Variants in BFSP2 observed in about 807,000 individuals in gnomAD.
BFSP2 encodes the protein phakinin.
Under a neutral mutation model 44.9 loss-of-function variants are expected in BFSP2, and 38 were observed. The observed-to-expected ratio is 0.85, with a 90% CI of 0.65 to 1.11. The LOEUF (loss-of-function observed/expected upper bound fraction) is 1.11, where lower values mean the gene tolerates loss of function less well. Ranked by LOEUF, BFSP2 falls within the 50% of genes least tolerant of loss-of-function variation. The pLI is 0.00. For synonymous variants in BFSP2, 197 were observed against 209.9 expected, an observed-to-expected ratio of 0.94 and a Z score of 0.53; for missense variants, 525 against 533.0, an observed-to-expected ratio of 0.99 and a Z score of 0.15.
chr3:133,424,543 T>C (rs999250571), intron 1 of BFSP2, among the ~76,000 whole-genome samples: 1 of 152,188 alleles, frequency 6.6e-6, no homozygotes, highest in Non-Finnish European at 1.5e-5. Flanking sequence ...CACCTCCAGC[T>C]GCTTTATCTG....
At chr3:133,415,447 TCTA>T (rs2073513358) in intron 1 of BFSP2, among the ~76,000 whole-genome samples, 1 of 110,008 alleles carries the variant, frequency 9.1e-6, no homozygotes, top group Non-Finnish European at 1.8e-5. Flanking sequence ...TCCTCTCCTC[TCTA>T]CTCACTCCTG....
At chr3:133,468,565 C>T (rs2074133107) in intron 5 of BFSP2, among the ~76,000 whole-genome samples, 1 of 152,190 alleles carries the variant, frequency 6.6e-6, no homozygotes, top group African/African-American at 2.4e-5. Flanking sequence ...CTCCCTGTGA[C>T]CACTCCGTGT....
At chr3:133,421,484 T>C (rs368837863) in intron 1 of BFSP2, among the ~76,000 whole-genome samples, 1 of 152,234 alleles carries the variant, frequency 6.6e-6, no homozygotes, top group African/African-American at 2.4e-5. Context: ...TTCTTCCATA[T>C]GTCTGTGTCC....
At chr3:133,415,869 C>T (rs140824794) in intron 1 of BFSP2, among the ~76,000 whole-genome samples, 1 of 143,250 alleles carries the variant, frequency 7.0e-6, no homozygotes, top group African/African-American at 2.6e-5. Context: ...CTCTACTCAC[C>T]CTCGCCCTCT....
chr3:133,416,090 C>T (rs2073524976), intron 1 of BFSP2, among the ~76,000 whole-genome samples: 1 of 146,322 alleles, frequency 6.8e-6, no homozygotes, highest in South Asian at 2.3e-4. Context: ...CCTCTACTCA[C>T]CCCTGCTATG....
chr3:133,433,098 G>T (rs1340526453), intron 1 of BFSP2, among the ~76,000 whole-genome samples: 2 of 151,956 alleles, frequency 1.3e-5, no homozygotes, highest in Non-Finnish European at 2.9e-5. Flanking sequence ...TCTTTGTTAA[G>T]TCCCACAATT....
chr3:133,447,274 C>A, intron 1 of BFSP2, 43 bp from the exon 2 acceptor site: 1 of 1,606,042 alleles, frequency 6.2e-7, no homozygotes, highest in Non-Finnish European at 8.5e-7. Context: ...GATCTTGACG[C>A]TCCCAGTGAC....
chr3:133,403,906 CAG>C (rs2073382578), intron 1 of BFSP2, among the ~76,000 whole-genome samples: 1 of 152,230 alleles, frequency 6.6e-6, no homozygotes, highest in East Asian at 1.9e-4. Context: ...TGTCACTGTG[CAG>C]AGAGTCACAT....
Position 133,447,313 on chromosome 3 carries a change from C to G in BFSP2, c.490-4C>G. 1 of 1,613,878 alleles carries G rather than the reference C, an allele frequency of 6.2e-7. No individual in the cohort carries two copies. On this transcript the variant is annotated splice_region_variant and splice_polypyrimidine_tract_variant and intron_variant, in intron 1 of 6. Coordinates refer to ENST00000302334, the MANE Select transcript of BFSP2 (RefSeq NM_003571.4). ...GTCTCCTTTGGTGTGTGTGATCGCTCTAGGTGGGTGAGGCAGTCTTGGAAA... is the reference window on the plus strand; with the variant it reads ...GTCTCCTTTGGTGTGTGTGATCGCTGTAGGTGGGTGAGGCAGTCTTGGAAA...
chr3:133,435,625 T>G (rs562500980), intron 1 of BFSP2, among the ~76,000 whole-genome samples: 1 of 152,350 alleles, frequency 6.6e-6, no homozygotes, highest in East Asian at 1.9e-4. Flanking sequence ...TTAACTTTAA[T>G]TTTTCGGTCA....
chr3:133,426,345 G>A (rs937528777), intron 1 of BFSP2, among the ~76,000 whole-genome samples: 1 of 152,202 alleles, frequency 6.6e-6, no homozygotes, highest in Non-Finnish European at 1.5e-5. Flanking sequence ...GCACCTGTCA[G>A]GCATTGTAAG....
intron 1 of BFSP2, among the ~76,000 whole-genome samples, chr3:133,446,909 A>G (rs1426576909): frequency 6.6e-6 from 1 of 151,744 alleles, no homozygotes; most frequent in African/African-American, 2.4e-5. Flanking sequence ...CTCAGCACTC[A>G]TCTAGAGCTT....
intron 5 of BFSP2, among the ~76,000 whole-genome samples, chr3:133,468,248 C>T (rs773241009): frequency 3.9e-5 from 6 of 152,136 alleles, no homozygotes; most frequent in Non-Finnish European, 7.4e-5. Context: ...GGAGAGAGCA[C>T]CCCTGCTGTG....
At chr3:133,445,702 A>G (rs1005484178) in intron 1 of BFSP2, 1 of 152,186 alleles carries the variant, frequency 6.6e-6, no homozygotes, top group Non-Finnish European at 1.5e-5. Context: ...TTTCCATTGT[A>G]TTGGGTATCA....
intron 1 of BFSP2, among the ~76,000 whole-genome samples, chr3:133,440,391 G>A (rs1394990149): frequency 1.3e-5 from 2 of 152,178 alleles, no homozygotes; most frequent in Non-Finnish European, 2.9e-5. Flanking sequence ...GTATCTGGAT[G>A]TGCCTGGGGC....
At chr3:133,429,759 T>C (rs959685171) in intron 1 of BFSP2, 43 of 48,426 alleles carry the variant, frequency 8.9e-4, no homozygotes, top group African/African-American at 4.4e-3. Context: ...GTAAACTTTT[T>C]TTTTTTTTAT....
intron 1 of BFSP2, among the ~76,000 whole-genome samples, chr3:133,402,760 C>T (rs1189745751): frequency 2.0e-5 from 3 of 151,620 alleles, no homozygotes; most frequent in Non-Finnish European, 4.4e-5. Flanking sequence ...CCTGCCTCAG[C>T]GTCCTGAGTA....
At chr3:133,406,011 C>T (rs868826675) in intron 1 of BFSP2, among the ~76,000 whole-genome samples, 2 of 152,100 alleles carry the variant, frequency 1.3e-5, no homozygotes, top group Non-Finnish European at 1.5e-5. Flanking sequence ...CAGGTTGTGG[C>T]GCAATCTCGG....
intron 1 of BFSP2, among the ~76,000 whole-genome samples, chr3:133,412,740 C>T (rs2073468324): frequency 6.6e-6 from 1 of 152,252 alleles, no homozygotes; most frequent in South Asian, 2.1e-4. Flanking sequence ...TACCTCGACA[C>T]ACAGCGGGTG....
Sources: gnomAD v4.1 joint callset for allele counts (sites outside exome capture counted in the v4.1 genomes callset) on GRCh38, gnomAD v4.1.1 for gene constraint, MANE v1.5 for transcripts, NCBI Gene and HGNC (gene_info 2026-07-23, HGNC 2026-07-21) for gene names.